The following CDC25B variants were observed in gnomAD, a reference collection of about 807,000 sequenced individuals.
The protein encoded by CDC25B is M-phase inducer phosphatase 2.
A neutral mutation model predicts 69.8 loss-of-function variants in CDC25B; 33 were observed. The ratio of observed to expected loss-of-function variants is 0.47; its 90% CI spans 0.36 to 0.63. CDC25B has a LOEUF of 0.63. Among genes scored for constraint, CDC25B ranks in the 30% least tolerant of loss-of-function variants. The pLI is 0.00. For synonymous variants in CDC25B, 341 were observed against 314.6 expected (o/e 1.08, Z -0.89); for missense variants, 727 against 809.1 (o/e 0.90, Z 1.23).
At chr20:3,790,498 C>CA (rs113095369) in intron 1 of CDC25B, among the ~76,000 whole-genome samples, 1,545 of 92,702 alleles carry the variant, frequency 0.017, 11 homozygotes, top group Middle Eastern at 0.033. Flanking sequence ...AACTCTGTCT[C>CA]AAAAAAAAAA....
At position 3,805,032 on chromosome 20, in the gene CDC25B, G is replaced by T; in HGVS notation, c.*71G>T. 1.3e-6 allele frequency: 2 copies of T among 1,509,412 alleles called. No individual in the cohort carries two copies. The highest frequency in any genetic ancestry group is 1.8e-6 in the Non-Finnish European group (2 of 1,121,386). The allele number at this position is 1,509,412 out of a possible 1,614,324, so 93.5% of individuals were successfully genotyped here. A position where few individuals can be genotyped will look rare whatever the true frequency, so the allele number is the denominator to read the frequency against. On this transcript the variant is annotated 3_prime_UTR_variant, in exon 16 of 16. Transcript: ENST00000245960. ...AAGCCAGCTGCCCTATGGGCCTGCC[G>T]GGCTGAGGGCCTGCTGGAGGCCTCA... is the stretch of plus-strand genomic sequence containing the variant.
In CDC25B at chr20:3,796,582, A is replaced by G. The variant is rs762409313; in HGVS notation, c.51A>G (p.Ala17=). 3 of 1,454,134 alleles carry G rather than the reference A, an allele frequency of 2.1e-6. No individual in the cohort carries two copies. Among genetic ancestry groups the G allele is most frequent in the South Asian group, 2.8e-5 (2 of 72,516 alleles). 90.1% of individuals were successfully genotyped at this position (1,454,134 alleles called of 1,614,324 possible). A position where few individuals can be genotyped will look rare whatever the true frequency, so the allele number is the denominator to read the frequency against. ...CGCCAGGCTCGGCTCTCAGTCCAGC[A>G]GGCGTGTGCGGTGGCGCCCAGCGTC... ...EPAPGSALSP[A]GVCGGAQRPG... is the part of the protein sequence containing the mutation. The change falls in exon 1 of 16, where the codon GCA becomes GCG. Residue 17 remains alanine, a synonymous_variant. Coordinates refer to ENST00000245960, the MANE Select transcript of CDC25B (RefSeq NM_021873.4).
At position 3,806,040 on chromosome 20, in the gene CDC25B, CAGGGCTGTGCTTGAA is replaced by C; in HGVS notation, c.*1080_*1094del. On this transcript the variant is annotated 3_prime_UTR_variant, in exon 16 of 16. Coordinates refer to ENST00000245960, the MANE Select transcript of CDC25B (RefSeq NM_021873.4). ...TGGATTCTGAATCTCAAGATGGGGG[CAGGGCTGTGCTTGAA>C]GGCCCTGCTGAGTCATCTGTTAGGG... 1 of 398,050 alleles carries C rather than the reference CAGGGCTGTGCTTGAA, an allele frequency of 2.5e-6. No homozygotes were observed. The highest frequency in any genetic ancestry group is 4.4e-6 in the Non-Finnish European group (1 of 225,844). 24.7% of individuals were successfully genotyped at this position (398,050 alleles called of 1,614,324 possible). A position where few individuals can be genotyped will look rare whatever the true frequency, so the allele number is the denominator to read the frequency against.
chr20:3,802,029 G>A lies in CDC25B; in HGVS notation c.1027G>A (p.Asp343Asn), dbSNP rs757410261. Reference protein sequence around the residue: ...LKRLERPQDRDTPVQNKRRRS... With the variant: ...LKRLERPQDRNTPVQNKRRRS... ...GAGGCTGGAGCGGCCCCAGGACAGGGACACGCCCGTGCAGAATAAGCGGAG... is the reference window on the plus strand; with the variant it reads ...GAGGCTGGAGCGGCCCCAGGACAGGAACACGCCCGTGCAGAATAAGCGGAG... Residue 343 changes from aspartate to asparagine, a missense_variant, in exon 10 of 16, where the codon GAC becomes AAC. By Grantham distance (23) the Asp-to-Asn change is conservative. Around this residue, in one of 2 missense-constraint regions of CDC25B, gnomAD observed 359 missense variants for 463.4 expected, o/e 0.77. Coordinates refer to ENST00000245960, the MANE Select transcript of CDC25B (RefSeq NM_021873.4). The A allele has an allele frequency of 8.8e-5, 139 of 1,586,058 alleles. No homozygotes were observed. The highest frequency in any genetic ancestry group is 1.2e-4 in the Non-Finnish European group (136 of 1,166,718).
upstream of CDC25B, among the ~76,000 whole-genome samples, chr20:3,794,467 G>A (rs1030241412): frequency 7.5e-6 from 1 of 132,680 alleles, no homozygotes; most frequent in African/African-American, 2.7e-5. Flanking sequence ...GGTGGGGGGT[G>A]GGGGGGATAC....
chr20:3,790,833 G>A (rs1207381729), intron 1 of CDC25B, among the ~76,000 whole-genome samples: 1 of 151,954 alleles, frequency 6.6e-6, no homozygotes, highest in East Asian at 2.0e-4. Context: ...GCCTCCCAAA[G>A]TGCTGGGATT....
At chr20:3,790,479 G>A (rs2088896800) in intron 1 of CDC25B, among the ~76,000 whole-genome samples, 1 of 141,976 alleles carries the variant, frequency 7.0e-6, no homozygotes, top group African/African-American at 2.6e-5. Context: ...CCGCCTCCCA[G>A]GTTCAAGAAA....
In CDC25B at chr20:3,800,775, G is replaced by C; in HGVS notation, c.492G>C (p.Arg164=). 2 of 1,611,540 alleles carry C rather than the reference G, an allele frequency of 1.2e-6. No homozygotes were observed. The highest frequency in any genetic ancestry group is 1.7e-6 in the Non-Finnish European group (2 of 1,180,022). Reference sequence around the variant, plus strand: ...TGCTGGGCCACAGCCCCGTGCTTCGGAACATCACCAACTCCCAGGCGCCCG... The same window carrying C: ...TGCTGGGCCACAGCCCCGTGCTTCGCAACATCACCAACTCCCAGGCGCCCG... The part of the protein sequence containing the change: ...VRLLGHSPVL[R]NITNSQAPDG... Residue 164 remains arginine, a synonymous_variant, in exon 6 of 16, where the codon CGG becomes CGC. Transcript: ENST00000245960.
At chr20:3,791,452 G>A (rs962274005), upstream of CDC25B, among the ~76,000 whole-genome samples, 2 of 152,166 alleles carry the variant, frequency 1.3e-5, no homozygotes, top group African/African-American at 4.8e-5. Flanking sequence ...GGAGACTGAG[G>A]CTGGTGGATC....
intron 8 of CDC25B, 44 bp downstream of exon 8, chr20:3,801,432 G>A (rs1276348886): frequency 1.3e-6 from 2 of 1,549,160 alleles, no homozygotes; most frequent in African/African-American, 1.4e-5. Context: ...CCTATCCCTG[G>A]GTTCGCCCAA....
chr20:3,787,604 G>A (rs1466943722), intron 1 of CDC25B, among the ~76,000 whole-genome samples: 1 of 152,104 alleles, frequency 6.6e-6, no homozygotes, highest in Non-Finnish European at 1.5e-5. Flanking sequence ...AATCCCTGAA[G>A]CCTCCCTCTC....
intron 2 of CDC25B, 149 bp from the exon 3 acceptor site, chr20:3,798,263 T>TG (rs1305685099): frequency 3.1e-5 from 15 of 478,680 alleles, no homozygotes; most frequent in Admixed American, 1.3e-4. Flanking sequence ...TCAGGGTCCA[T>TG]GGTTGGGTTT....
At chr20:3,799,513 TGTGTGTGTGTGTGC>T (rs61537215) in intron 3 of CDC25B, among the ~76,000 whole-genome samples, 32,918 of 113,832 alleles carry the variant, frequency 0.29, 3,583 homozygotes, top group East Asian at 0.32. Context: ...TGTGTGTGTG[TGTGTGTGTGTGTGC>T]GCGCGCGCGC....
chr20:3,796,666 G>T lies in CDC25B; in HGVS notation c.135G>T (p.Arg45=). 6.6e-7 allele frequency: 1 copy of T among 1,510,412 alleles called. No individual in the cohort carries two copies. The allele number at this position is 1,510,412 out of a possible 1,614,324, so 93.6% of individuals were successfully genotyped here. Residue 45 remains arginine (R), a synonymous_variant, in exon 1 of 16, where the codon CGG becomes CGT. Transcript: ENST00000245960. ...ATGGCCTCCTGGGGTCCCCGGTGCG[G>T]GCGGCCGCTTCCTCGCCGGTCACCA... ...GSHGLLGSPV[R]AAASSPVTTL...
rs754553191 is a variant in CDC25B, at chr20:3,801,344, G to C, written c.796G>C (p.Glu266Gln). The C allele has an allele frequency of 3.1e-6, 5 of 1,614,028 alleles. 1 individual carries two copies. The South Asian group carries it at 5.5e-5, about 18-fold the overall frequency. The change falls in exon 8 of 16, where the codon GAG (glutamate) becomes CAG (glutamine). Residue 266 changes from glutamate (E) to glutamine (Q), a missense_variant. By Grantham distance (29) the Glu-to-Gln change is conservative. This residue lies in a region of CDC25B where 359 missense variants were observed against 463.4 expected (regional missense o/e 0.77). Transcript: ENST00000245960. ...FSLTPAEGDT[E>Q]EDDGFVDILE... is the part of the protein sequence containing the mutation. ...TCTGACCCCTGCAGAGGGGGATACT[G>C]AGGAAGATGATGGATTTGTGGACAT...
At chr20:3,787,053 T>A (rs1600369826) in exon 1 of CDC25B, 48 of 591,964 alleles carry the variant, frequency 8.1e-5, no homozygotes, top group Middle Eastern at 6.4e-4. Context: ...TTAATTAAGG[T>A]AAAAATAACG....
Position 3,805,626 on chromosome 20 carries a change from T to C in CDC25B, c.*665T>C, listed in dbSNP as rs2089451162. On this transcript the variant is annotated 3_prime_UTR_variant, in exon 16 of 16. Coordinates refer to ENST00000245960, the MANE Select transcript of CDC25B (RefSeq NM_021873.4). ...TTTAGGTTCCCCTGTCAAATATCAG[T>C]TACCCACTCGGTCCCAGTTTTGTTG... The C allele has an allele frequency of 2.5e-6, 1 of 398,858 alleles. No individual in the cohort carries two copies. The allele number at this position is 398,858 out of a possible 1,614,324, so 24.7% of individuals were successfully genotyped here.
At chr20:3,800,620 G>T (rs1248731208) in intron 5 of CDC25B, 122 bp downstream of exon 5, 3 of 1,584,698 alleles carry the variant, frequency 1.9e-6, no homozygotes, top group Non-Finnish European at 8.6e-7. Flanking sequence ...TAGGAGATGG[G>T]GTTTCAGAGG....
chr20:3,800,802 C>A lies in CDC25B; in HGVS notation c.519C>A (p.Asp173Glu). 6.2e-7 allele frequency: 1 copy of A among 1,612,856 alleles called. No homozygotes were observed. The highest frequency in any genetic ancestry group is 2.2e-5 in the East Asian group (1 of 44,878). ...ACATCACCAACTCCCAGGCGCCCGA[C>A]GGCCGGAGGAAGAGCGAGGCGGGCA... ...LRNITNSQAP[D>E]GRRKSEAGSG... Residue 173 changes from aspartate to glutamate, a missense_variant, in exon 6 of 16, where the codon GAC (aspartate) becomes GAA (glutamate). This residue lies in a region of CDC25B where 368 missense variants were observed against 345.6 expected (regional missense o/e 1.06). Coordinates refer to ENST00000245960, the MANE Select transcript of CDC25B (RefSeq NM_021873.4).
Sources: allele counts gnomAD v4.1 joint callset (sites outside exome capture counted in the v4.1 genomes callset), GRCh38; gene constraint gnomAD v4.1.1; regional missense constraint gnomAD v4.1.1; transcripts MANE v1.5; gene names NCBI Gene and HGNC (gene_info 2026-07-23, HGNC 2026-07-21).